Variants in RPGRIP1L observed in about 807,000 individuals in gnomAD.
The protein encoded by RPGRIP1L is protein fantom.
Under a neutral mutation model 160.4 loss-of-function variants are expected in RPGRIP1L, and 131 were observed. The observed-to-expected ratio is 0.82, with a 90% CI of 0.71 to 0.94. The LOEUF (loss-of-function observed/expected upper bound fraction) is 0.94, where lower values mean the gene tolerates loss of function less well. Ranked by LOEUF, RPGRIP1L falls within the 40% of genes least tolerant of loss-of-function variation. The probability of loss-of-function intolerance (pLI) is 0.00; values close to 1 mark genes in which losing one functional copy is unlikely to be tolerated. For missense variants in RPGRIP1L, 1,522 were observed against 1,535.8 expected (o/e 0.99, Z 0.15); for synonymous variants, 510 against 515.8 (o/e 0.99, Z 0.15).
At chr16:53,672,261 G>A (rs1968796852) in intron 8 of RPGRIP1L, among the ~76,000 whole-genome samples, 1 of 152,014 alleles carries the variant, frequency 6.6e-6, no homozygotes, top group South Asian at 2.1e-4. Context: ...ACTTTTTCCT[G>A]TGGATCAGAT....
intron 17 of RPGRIP1L, among the ~76,000 whole-genome samples, chr16:53,641,820 G>C (rs922995656): frequency 5.3e-5 from 8 of 152,032 alleles, no homozygotes. Flanking sequence ...AGAATTCTTA[G>C]CCTTCCTTCG....
At chr16:53,691,932 A>C in intron 4 of RPGRIP1L, 134 bp downstream of exon 4, 1 of 826,314 alleles carries the variant, frequency 1.2e-6, no homozygotes, top group Non-Finnish European at 2.0e-6. Context: ...TTATTTTATC[A>C]AAGTAAAAAA....
chr16:53,626,012 T>C (rs927334603), intron 22 of RPGRIP1L, among the ~76,000 whole-genome samples: 36 of 151,956 alleles, frequency 2.4e-4, no homozygotes, highest in African/African-American at 4.6e-4. Flanking sequence ...TGCGGAAGGC[T>C]GCAGGGTCCT....
intron 10 of RPGRIP1L, among the ~76,000 whole-genome samples, chr16:53,662,311 A>G (rs1452107493): frequency 6.6e-6 from 1 of 152,170 alleles, no homozygotes; most frequent in Non-Finnish European, 1.5e-5. Flanking sequence ...GGAACTTTCA[A>G]AAGCAAGCCC....
At chr16:53,615,205 T>C (rs1472319383) in intron 24 of RPGRIP1L, among the ~76,000 whole-genome samples, 1 of 152,154 alleles carries the variant, frequency 6.6e-6, no homozygotes, top group African/African-American at 2.4e-5. Flanking sequence ...ATAAGTCTCA[T>C]AAAAACTTTG....
chr16:53,685,333 G>T (rs1248542113), intron 6 of RPGRIP1L, among the ~76,000 whole-genome samples: 1 of 152,174 alleles, frequency 6.6e-6, no homozygotes, highest in African/African-American at 2.4e-5. Context: ...AATACCATTC[G>T]ACAAGGAAAT....
chr16:53,630,535 T>C (rs1437129573), intron 22 of RPGRIP1L, among the ~76,000 whole-genome samples: 2 of 152,176 alleles, frequency 1.3e-5, no homozygotes, highest in Non-Finnish European at 2.9e-5. Context: ...CAAAAGGGGC[T>C]TATTTAAATA....
chr16:53,614,600 T>A (rs1002461040), intron 24 of RPGRIP1L, among the ~76,000 whole-genome samples: 2 of 152,182 alleles, frequency 1.3e-5, no homozygotes, highest in African/African-American at 4.8e-5. Context: ...ACACTTTGGC[T>A]GCCTCTGATT....
chr16:53,660,272 T>A (rs897680796), intron 10 of RPGRIP1L, among the ~76,000 whole-genome samples: 1 of 152,188 alleles, frequency 6.6e-6, no homozygotes, highest in Non-Finnish European at 1.5e-5. Context: ...ACCAATTTCA[T>A]CCTGCTCTCA....
chr16:53,692,550 C>G (rs1478411794), intron 3 of RPGRIP1L, among the ~76,000 whole-genome samples, 186 bp from the exon 4 acceptor site: 1 of 152,210 alleles, frequency 6.6e-6, no homozygotes. Context: ...GGGCAACAAT[C>G]TGCTTTATAG....
At chr16:53,615,459 T>C in intron 24 of RPGRIP1L, among the ~76,000 whole-genome samples, 1 of 69,804 alleles carries the variant, frequency 1.4e-5, no homozygotes, top group Non-Finnish European at 2.7e-5. Flanking sequence ...AGAATATATA[T>C]ATATATATAT....
intron 10 of RPGRIP1L, 30 bp from the exon 11 acceptor site, chr16:53,658,908 G>T: frequency 7.2e-7 from 1 of 1,398,492 alleles, no homozygotes; most frequent in Non-Finnish European, 1.0e-6. Context: ...CAATTGGAAA[G>T]GTAAGTAAAA....
At chr16:53,678,665 G>A (rs1308480991) in intron 6 of RPGRIP1L, among the ~76,000 whole-genome samples, 5 of 151,684 alleles carry the variant, frequency 3.3e-5, no homozygotes, top group Non-Finnish European at 5.9e-5. Context: ...TCATTTAGAA[G>A]AGAAGGCTTT....
At chr16:53,637,671 T>C (rs1465019364) in intron 21 of RPGRIP1L, 24 bp downstream of exon 21, 14 of 1,593,438 alleles carry the variant, frequency 8.8e-6, no homozygotes, top group South Asian at 2.2e-5. Flanking sequence ...AACTAAACAA[T>C]GTTAGTTTAA....
rs201110897 is a variant in RPGRIP1L at position 53,675,037 on chromosome 16, T to G, written c.862A>C (p.Lys288Gln). 1 of 1,604,722 alleles carries G rather than the reference T, an allele frequency of 6.2e-7. No individual in the cohort carries two copies. The highest frequency in any genetic ancestry group is 1.3e-5 in the African/African-American group (1 of 74,856). The change falls in exon 7 of 27, where the codon AAA becomes CAA. Residue 288 changes from lysine (K) to glutamine (Q), a missense_variant. By Grantham distance (53) the Lys-to-Gln change is moderately conservative (BLOSUM62 1). Transcript: ENST00000647211. ...KSNALSAMEG[K>Q]FIQLQEKQRT... ...TGTACCTCTTGAAGCTGAATAAATTTTCCTTCCATTGCTGAAAGAGCATTG... is the reference window on the plus strand; with the variant it reads ...TGTACCTCTTGAAGCTGAATAAATTGTCCTTCCATTGCTGAAAGAGCATTG...
chr16:53,622,223 G>T lies in RPGRIP1L; in HGVS notation c.3428C>A (p.Thr1143Asn), dbSNP rs111775292. The change falls in exon 23 of 27, where the codon ACC (threonine) becomes AAC (asparagine). Residue 1143 changes from threonine (T) to asparagine (N), a missense_variant. Transcript: ENST00000647211. ...GCTAAAATTACAAAAAATTACCTGG[G>T]TGTGGTGGCAGGCACCTGTAATCCC... ...VDGITGACHH[T>N]QPSEKIRIEI... 2 of 661,812 alleles carry T rather than the reference G, an allele frequency of 3.0e-6. No individual in the cohort carries two copies. The highest frequency in any genetic ancestry group is 5.5e-6 in the Non-Finnish European group (2 of 366,440). The allele number at this position is 661,812 out of a possible 1,614,324, so 41.0% of individuals were successfully genotyped here.
At chr16:53,618,456 A>G (rs1011176958) in intron 24 of RPGRIP1L, among the ~76,000 whole-genome samples, 2 of 152,156 alleles carry the variant, frequency 1.3e-5, no homozygotes, top group African/African-American at 4.8e-5. Flanking sequence ...CCTAGCTGAC[A>G]TTTTTCTGTT....
intron 9 of RPGRIP1L, among the ~76,000 whole-genome samples, chr16:53,667,661 T>A (rs1164717842): frequency 2.0e-5 from 3 of 151,986 alleles, no homozygotes; most frequent in African/African-American, 7.3e-5. Flanking sequence ...TCACTTGAGG[T>A]CAGGAGTTCG....
In RPGRIP1L at chr16:53,627,156, C is replaced by T. The variant is rs113180556; in HGVS notation, c.3295-4800G>A. On this transcript the variant is annotated intron_variant, in intron 22 of 26. Transcript: ENST00000647211. ...TCTTCCTCTGGTTTCAGCCACTACACGCAGCCATACTGGAGTTGAATTGTT... is the reference window on the plus strand; with the variant it reads ...TCTTCCTCTGGTTTCAGCCACTACATGCAGCCATACTGGAGTTGAATTGTT... Among the ~76,000 whole-genome samples the T allele has an allele frequency of 3.3e-4, 50 of 152,288 alleles. 2 individuals carry two copies. Among genetic ancestry groups the T allele is most frequent in the African/African-American group, 8.7e-4 (36 of 41,550 alleles).
Sources: gnomAD v4.1 joint callset for allele counts (sites outside exome capture counted in the v4.1 genomes callset) on GRCh38, gnomAD v4.1.1 for gene constraint, MANE v1.5 for transcripts, NCBI Gene and HGNC (gene_info 2026-07-23, HGNC 2026-07-21) for gene names.